The following MYO16 variants were observed in gnomAD, a reference collection of about 807,000 sequenced individuals.
MYO16 encodes myosin XVI.
Under a neutral mutation model 205.3 loss-of-function variants are expected in MYO16, and 94 were observed. That is an observed-to-expected ratio of 0.46 (90% CI 0.39 to 0.54). The LOEUF (loss-of-function observed/expected upper bound fraction) is 0.54, where lower values mean the gene tolerates loss of function less well. MYO16 is among the 20% of genes least tolerant of loss of function. The probability of loss-of-function intolerance (pLI) is 0.00; values close to 1 mark genes in which losing one functional copy is unlikely to be tolerated. For missense variants in MYO16, 2,315 were observed against 2,387.5 expected, an observed-to-expected ratio of 0.97 and a Z score of 0.63; for synonymous variants, 988 against 954.0, an observed-to-expected ratio of 1.04 and a Z score of -0.66.
upstream of MYO16, among the ~76,000 whole-genome samples, chr13:108,628,898 AT>A (rs543866845): frequency 8.3e-4 from 127 of 152,356 alleles, 1 homozygote; most frequent in Admixed American, 1.2e-3. Flanking sequence ...TGCAAAAAAA[AT>A]GTATCACTTT....
Position 108,900,436 on chromosome 13 carries a change from C to T in MYO16, c.1777+2303C>T, listed in dbSNP as rs1001192828. ...CAATGTTGCAGGAAGTCAGGGACCC[C>T]GAACGGAGGGACCAGCTGAAGCCAT... On this transcript the variant is annotated intron_variant, in intron 15 of 34. Transcript: ENST00000457511. 4.6e-5 allele frequency among the ~76,000 whole-genome samples: 7 copies of T among 152,154 alleles called. No homozygotes were observed. The South Asian group carries it at 1.2e-3, about 27-fold the overall frequency.
Position 109,194,081 on chromosome 13 carries a change from A to G in MYO16, c.5416-12528A>G, listed in dbSNP as rs138480726. On this transcript the variant is annotated intron_variant, in intron 34 of 34. Coordinates refer to ENST00000457511, the MANE Select transcript of MYO16 (RefSeq NM_001198950.3). ...CAATTAATGCTATCCTGCCTCGTGAAATTTTTGTACTTGTGTCTTGTCTAA... is the reference window on the plus strand; with the variant it reads ...CAATTAATGCTATCCTGCCTCGTGAGATTTTTGTACTTGTGTCTTGTCTAA... Among the ~76,000 whole-genome samples, 236 of 152,260 alleles carry G rather than the reference A, an allele frequency of 1.5e-3. 3 individuals are homozygous for G. Among genetic ancestry groups the G allele is most frequent in the African/African-American group, 5.5e-3 (228 of 41,550 alleles).
At chr13:108,943,552 G>C (rs536414253) in intron 16 of MYO16, among the ~76,000 whole-genome samples, 3 of 151,998 alleles carry the variant, frequency 2.0e-5, no homozygotes, top group South Asian at 2.1e-4. Context: ...CTGCCTCCTG[G>C]GTTTAAGCGA....
chr13:108,547,846 T>C, the MYO16 span, among the ~76,000 whole-genome samples: 2 of 152,200 alleles, frequency 1.3e-5, no homozygotes, highest in Non-Finnish European at 1.5e-5. Context: ...AGGCAGTCCC[T>C]ATTCTCTTAT....
At chr13:108,582,517 A>C in the MYO16 span, among the ~76,000 whole-genome samples, 2 of 152,170 alleles carry the variant, frequency 1.3e-5, no homozygotes, top group African/African-American at 4.8e-5. Context: ...GGGAACCAGA[A>C]AGATATCTAA....
intron 22 of MYO16, among the ~76,000 whole-genome samples, chr13:109,018,837 A>C (rs1439569323): frequency 1.3e-5 from 2 of 152,110 alleles, no homozygotes; most frequent in Non-Finnish European, 2.9e-5. Context: ...CCACTGTCCA[A>C]CCAGTTCCAG....
At chr13:108,889,543 G>T (rs1441078583) in intron 14 of MYO16, among the ~76,000 whole-genome samples, 4 of 152,132 alleles carry the variant, frequency 2.6e-5, no homozygotes, top group Non-Finnish European at 5.9e-5. Context: ...CTAACAGTGG[G>T]GGGAACAGAC....
At chr13:108,997,330 AAGAAAGAAAGAGAGAGAG>A (rs1162243684) in intron 21 of MYO16, among the ~76,000 whole-genome samples, 64 of 5,848 alleles carry the variant, frequency 0.011, no homozygotes, top group African/African-American at 9.2e-3. Flanking sequence ...GAAAGAAAGA[AAGAAAGAAAGAGAGAGAG>A]AGAGAGAGAG....
In MYO16 at chr13:108,666,150, G is replaced by A; in HGVS notation, c.292+1G>A. 6.3e-7 allele frequency: 1 copy of A among 1,588,410 alleles called. No homozygotes were observed. The highest frequency in any genetic ancestry group is 1.1e-5 in the South Asian group (1 of 89,920). ...ATTATCCACCACAATGACAAAGAAG[G>A]TACATGATAAGAAAGAAGGACCCGT... On this transcript the variant is annotated splice_donor_variant, in intron 2 of 34. Coordinates refer to ENST00000457511, the MANE Select transcript of MYO16 (RefSeq NM_001198950.3). LOFTEE classifies it high-confidence loss of function.
chr13:108,648,649 G>A (rs1435893927), intron 1 of MYO16, among the ~76,000 whole-genome samples: 1 of 151,920 alleles, frequency 6.6e-6, no homozygotes, highest in East Asian at 1.9e-4. Context: ...ACATTCAAAA[G>A]AGGGCAGAAC....
intron 27 of MYO16, among the ~76,000 whole-genome samples, chr13:109,095,182 A>G (rs1018349426): frequency 6.6e-6 from 1 of 152,204 alleles, no homozygotes; most frequent in African/African-American, 2.4e-5. Context: ...TTTACTTTTT[A>G]CAGTCCATTG....
intron 32 of MYO16, among the ~76,000 whole-genome samples, chr13:109,146,856 A>G (rs985595680): frequency 1.3e-5 from 2 of 151,966 alleles, no homozygotes; most frequent in South Asian, 2.1e-4. Flanking sequence ...AAAGAAAAAA[A>G]GAAAGAGAAA....
chr13:109,135,180 C>A (rs1290717357), intron 31 of MYO16, among the ~76,000 whole-genome samples: 3 of 152,204 alleles, frequency 2.0e-5, no homozygotes, highest in Admixed American at 1.3e-4. Context: ...CTGATGCATG[C>A]TTCTGCTCAG....
chr13:109,159,732 A>G (rs976971969), intron 32 of MYO16, among the ~76,000 whole-genome samples: 23 of 139,410 alleles, frequency 1.6e-4, no homozygotes, highest in African/African-American at 5.7e-4. Flanking sequence ...AAGGTCATCC[A>G]GAAGGCCTGA....
intron 22 of MYO16, among the ~76,000 whole-genome samples, chr13:109,009,472 C>A (rs1566458778): frequency 6.6e-6 from 1 of 152,104 alleles, no homozygotes; most frequent in Non-Finnish European, 1.5e-5. Context: ...GCAGGAAAAA[C>A]ATATAAACAC....
Position 108,849,167 on chromosome 13 carries a change from T to G in MYO16, c.1248+4674T>G, listed in dbSNP as rs979137867. Among the ~76,000 whole-genome samples the G allele has an allele frequency of 4.2e-5, 6 of 142,896 alleles. No homozygotes were observed. In the East Asian group the frequency reaches 1.2e-3, roughly 28 times the overall value. 93.7% of individuals were successfully genotyped at this position (142,896 alleles called of 152,430 possible). A position where few individuals can be genotyped will look rare whatever the true frequency, so the allele number is the denominator to read the frequency against. On this transcript the variant is annotated intron_variant, in intron 10 of 34. Coordinates refer to ENST00000457511, the MANE Select transcript of MYO16 (RefSeq NM_001198950.3). ...CTGGTCATTCCGGTCAACACGAAGTTTTTTTCTGTTTTTTTGTTTTTGTTT... is the reference window on the plus strand; with the variant it reads ...CTGGTCATTCCGGTCAACACGAAGTGTTTTTCTGTTTTTTTGTTTTTGTTT...
intron 23 of MYO16, among the ~76,000 whole-genome samples, chr13:109,043,917 G>A (rs370211360): frequency 1.8e-4 from 27 of 152,256 alleles, no homozygotes; most frequent in African/African-American, 4.8e-4. Context: ...ATCTGGGCTG[G>A]GGCTGGAAGC....
At chr13:109,066,114 T>C (rs1228973274) in intron 27 of MYO16, among the ~76,000 whole-genome samples, 1 of 152,122 alleles carries the variant, frequency 6.6e-6, no homozygotes, top group Non-Finnish European at 1.5e-5. Flanking sequence ...GATGTTAAAT[T>C]GGGTGTTCGG....
chr13:108,798,234 C>G (rs1488506955), intron 6 of MYO16, among the ~76,000 whole-genome samples: 4 of 128,488 alleles, frequency 3.1e-5, no homozygotes, highest in Non-Finnish European at 6.8e-5. Context: ...GAGAAGAAGA[C>G]AGTTTTGTTC....
Sources: allele counts gnomAD v4.1 joint callset (sites outside exome capture counted in the v4.1 genomes callset), GRCh38; gene constraint gnomAD v4.1.1; transcripts MANE v1.5; gene names NCBI Gene and HGNC (gene_info 2026-07-23, HGNC 2026-07-21).